Variants in NAV3 observed in about 807,000 individuals in gnomAD.
The protein encoded by NAV3 is pore membrane and/or filament interacting like protein 1.
NAV3 carries 87 observed loss-of-function variants against 244.7 expected under a neutral mutation model. The ratio of observed to expected loss-of-function variants is 0.36; its 90% CI spans 0.30 to 0.42. The LOEUF is 0.42. Ranked by LOEUF, NAV3 falls within the 20% of genes least tolerant of loss-of-function variation. The pLI is 1.00. For missense variants in NAV3, 2,663 were observed against 2,893.3 expected, an observed-to-expected ratio of 0.92 and a Z score of 1.83; for synonymous variants, 1,126 against 1,042.2, an observed-to-expected ratio of 1.08 and a Z score of -1.55.
intron 11 of NAV3, among the ~76,000 whole-genome samples, chr12:78,052,659 T>A (rs1882929298): frequency 6.6e-6 from 1 of 152,122 alleles, no homozygotes; most frequent in Non-Finnish European, 1.5e-5. Flanking sequence ...GTTATAATTA[T>A]CATTTTTGTA....
At chr12:78,200,624 T>TAAAA in intron 38 of NAV3, 33 bp downstream of exon 38, 1 of 1,178,350 alleles carries the variant, frequency 8.5e-7, no homozygotes, top group South Asian at 1.9e-5. Flanking sequence ...CTATTTTTTT[T>TAAAA]TAAAAAAAAA....
At position 77,924,589 on chromosome 12, in the gene NAV3, C is replaced by T. The variant is rs185051592; in HGVS notation, c.244-15730C>T. ...TAGTTTTTGCACAGTCATTAATTTT[C>T]AACATAGATATCTAAAGTATAATGT... On this transcript the variant is annotated intron_variant, in intron 1 of 39. Coordinates refer to ENST00000397909, the MANE Select transcript of NAV3 (RefSeq NM_001024383.2). Among the ~76,000 whole-genome samples the T allele has an allele frequency of 1.4e-4, 21 of 152,194 alleles. No individual in the cohort carries two copies. The East Asian group carries it at 3.3e-3, about 24-fold the overall frequency.
chr12:77,844,455 G>A (rs905187309), intron 1 of NAV3, among the ~76,000 whole-genome samples: 1 of 152,154 alleles, frequency 6.6e-6, no homozygotes, highest in South Asian at 2.1e-4. Flanking sequence ...CCATAGCAAT[G>A]CCCAAAGCAT....
intron 7 of NAV3, among the ~76,000 whole-genome samples, chr12:78,005,315 A>G (rs1874010110): frequency 1.3e-5 from 2 of 152,216 alleles, no homozygotes; most frequent in South Asian, 4.1e-4. Flanking sequence ...AAAGTTCAGT[A>G]AAAAATGTTA....
At chr12:77,754,368 G>T (rs1869018689) in intron 2 of NAV3, among the ~76,000 whole-genome samples, 1 of 152,078 alleles carries the variant, frequency 6.6e-6, no homozygotes, top group Non-Finnish European at 1.5e-5. Context: ...GTATGTGAAA[G>T]TCCAAAGTCC....
intron 3 of NAV3, among the ~76,000 whole-genome samples, chr12:77,965,975 G>T (rs1892476935): frequency 1.3e-5 from 2 of 152,142 alleles, no homozygotes; most frequent in Admixed American, 6.5e-5. Context: ...AAGTAGGTGG[G>T]TTGCTAATCT....
At chr12:77,877,461 A>G (rs1031196772) in intron 1 of NAV3, among the ~76,000 whole-genome samples, 6 of 152,114 alleles carry the variant, frequency 3.9e-5, no homozygotes, top group Non-Finnish European at 2.9e-5. Flanking sequence ...AATTCATTTT[A>G]TATTGCATTT....
intron 1 of NAV3, among the ~76,000 whole-genome samples, chr12:77,929,470 A>G (rs1253463758): frequency 6.6e-6 from 1 of 152,060 alleles, no homozygotes; most frequent in East Asian, 1.9e-4. Flanking sequence ...TCCAAACCAG[A>G]AATTTGAATT....
chr12:77,845,420 TAAAAG>T (rs923397226), intron 1 of NAV3, among the ~76,000 whole-genome samples: 1 of 152,166 alleles, frequency 6.6e-6, no homozygotes, highest in African/African-American at 2.4e-5. Context: ...CTACAACACT[TAAAAG>T]AACCCAAGTA....
intron 1 of NAV3, among the ~76,000 whole-genome samples, chr12:77,839,195 G>T (rs1875184673): frequency 6.6e-6 from 1 of 152,192 alleles, no homozygotes. Flanking sequence ...GGCATCCTTT[G>T]TATTTGAGAA....
At chr12:77,586,018 C>T (rs1277462142) in intron 2 of NAV3, among the ~76,000 whole-genome samples, 2 of 151,948 alleles carry the variant, frequency 1.3e-5, no homozygotes, top group South Asian at 2.1e-4. Context: ...AAAAATTAGC[C>T]GGGCGTGGTG....
At chr12:78,030,528 T>G (rs1878802281) in intron 9 of NAV3, among the ~76,000 whole-genome samples, 1 of 152,214 alleles carries the variant, frequency 6.6e-6, no homozygotes, top group Non-Finnish European at 1.5e-5. Context: ...CCTGGTTCCC[T>G]TTTCTGTGTG....
chr12:78,037,792 G>A (rs997297762), intron 9 of NAV3, among the ~76,000 whole-genome samples: 9 of 152,250 alleles, frequency 5.9e-5, no homozygotes, highest in Admixed American at 2.0e-4. Context: ...ATAATGAAGG[G>A]CCTCCTGGGT....
intron 2 of NAV3, among the ~76,000 whole-genome samples, chr12:77,801,558 C>T (rs924419922): frequency 6.6e-6 from 1 of 151,950 alleles, no homozygotes; most frequent in African/African-American, 2.4e-5. Context: ...AATAATATGT[C>T]TTTTCATTCT....
chr12:78,020,192 T>C (rs912058491), intron 8 of NAV3, among the ~76,000 whole-genome samples: 1 of 152,048 alleles, frequency 6.6e-6, no homozygotes. Context: ...AACAATAGAA[T>C]AAAGTAGAAT....
At chr12:77,721,880 C>A (rs1347386649) in intron 2 of NAV3, among the ~76,000 whole-genome samples, 3 of 152,078 alleles carry the variant, frequency 2.0e-5, no homozygotes, top group Non-Finnish European at 2.9e-5. Context: ...ATCAAGAAGC[C>A]TCTTTATAGG....
At chr12:78,167,206 G>T (rs1957814866) in intron 23 of NAV3, among the ~76,000 whole-genome samples, 1 of 151,230 alleles carries the variant, frequency 6.6e-6, no homozygotes, top group Non-Finnish European at 1.5e-5. Context: ...TGATGAATTG[G>T]GTCTGACTTT....
chr12:77,724,882 C>G (rs1442782953), intron 2 of NAV3, among the ~76,000 whole-genome samples: 1 of 152,002 alleles, frequency 6.6e-6, no homozygotes, highest in Non-Finnish European at 1.5e-5. Context: ...TGTGCTAATT[C>G]AGATGTCAAA....
chr12:77,838,184 G>A (rs1875001267), intron 1 of NAV3, among the ~76,000 whole-genome samples: 1 of 152,196 alleles, frequency 6.6e-6, no homozygotes, highest in Non-Finnish European at 1.5e-5. Context: ...AGGTTTCACA[G>A]TTAAACTGTC....
Sources: allele counts gnomAD v4.1 joint callset (sites outside exome capture counted in the v4.1 genomes callset), GRCh38; gene constraint gnomAD v4.1.1; transcripts MANE v1.5; gene names NCBI Gene and HGNC (gene_info 2026-07-23, HGNC 2026-07-21).